CABP1: variants seen among roughly 807,000 people sequenced by gnomAD.
CABP1 encodes the protein calcium-binding protein 1.
Under a neutral mutation model 34.3 loss-of-function variants are expected in CABP1, and 17 were observed. The observed-to-expected ratio is 0.50, with a 90% CI of 0.34 to 0.74. The LOEUF (loss-of-function observed/expected upper bound fraction) is 0.74. CABP1 is among the 30% of genes least tolerant of loss of function. The pLI, the probability that CABP1 is intolerant of heterozygous loss-of-function variation, is 0.01. For synonymous variants in CABP1, 198 were observed against 229.2 expected (o/e 0.86, Z 1.23); for missense variants, 373 against 511.1 (o/e 0.73, Z 2.61).
Position 120,641,458 on chromosome 12 carries a change from C to T in CABP1, c.654+119C>T, listed in dbSNP as rs1223567721. ...TGGTCCCCCACGGATCACGCCTCGG[C>T]TCACCTCGTCCTCCCCGGGCCGGCG... On this transcript the variant is annotated intron_variant, in intron 1 of 5. Coordinates refer to ENST00000316803, the MANE Select transcript of CABP1 (RefSeq NM_001033677.2). This position sits in a 1 kb window ranked among gnomAD's most constrained non-coding sequence, Gnocchi z 6.7. The T allele has an allele frequency of 1.8e-6, 2 of 1,100,584 alleles. No homozygotes were observed. The highest frequency in any genetic ancestry group is 2.3e-6 in the Non-Finnish European group (2 of 868,920). 68.2% of individuals were successfully genotyped at this position (1,100,584 alleles called of 1,614,324 possible).
In CABP1 at chr12:120,660,359, A is replaced by T; in HGVS notation, c.829+20A>T. On this transcript the variant is annotated intron_variant, in intron 3 of 5. Transcript: ENST00000316803. The surrounding 1 kb of genome is among the most constrained non-coding windows in gnomAD (Gnocchi z 5.0). ...TGAACCGTGAGTCCCTCTACCAGGC[A>T]TCTGCGTCCCTTCGGTCCTCACCCT... 1.2e-6 allele frequency: 2 copies of T among 1,609,294 alleles called. No individual in the cohort carries two copies. Among genetic ancestry groups the T allele is most frequent in the Non-Finnish European group, 1.7e-6 (2 of 1,178,830 alleles).
intron 1 of CABP1, among the ~76,000 whole-genome samples, chr12:120,645,671 A>C (rs1216366345): frequency 6.6e-6 from 1 of 152,170 alleles, no homozygotes; most frequent in Non-Finnish European, 1.5e-5. Flanking sequence ...TCTACTAAAA[A>C]TACAAAAATT....
chr12:120,657,021 C>A (rs1880272736), intron 1 of CABP1, among the ~76,000 whole-genome samples: 1 of 152,194 alleles, frequency 6.6e-6, no homozygotes, highest in African/African-American at 2.4e-5. Context: ...CTCCTAATGA[C>A]AACTCTGTAT....
intron 5 of CABP1, among the ~76,000 whole-genome samples, chr12:120,665,443 T>A (rs1437219367): frequency 6.6e-6 from 1 of 151,396 alleles, no homozygotes; most frequent in East Asian, 2.0e-4. Flanking sequence ...AATAAATAAA[T>A]AAAAATAAAC....
At chr12:120,676,817 T>G in the CABP1 span, among the ~76,000 whole-genome samples, 1 of 152,168 alleles carries the variant, frequency 6.6e-6, no homozygotes, top group Non-Finnish European at 1.5e-5. Flanking sequence ...TGAGGAAACT[T>G]AGGTTCAGAG....
At chr12:120,644,070 G>C (rs942780374) in intron 1 of CABP1, among the ~76,000 whole-genome samples, 3 of 152,222 alleles carry the variant, frequency 2.0e-5, no homozygotes. Context: ...TGAGGCTAAG[G>C]TGTGGAATGG....
chr12:120,645,799 A>G (rs749072446), intron 1 of CABP1, among the ~76,000 whole-genome samples: 3 of 152,206 alleles, frequency 2.0e-5, no homozygotes, highest in Non-Finnish European at 4.4e-5. Context: ...TCTGCACTCC[A>G]GCCTGGGTGA....
At chr12:120,648,742 A>T (rs113562721) in intron 1 of CABP1, among the ~76,000 whole-genome samples, 15 of 152,200 alleles carry the variant, frequency 9.9e-5, no homozygotes, top group African/African-American at 3.6e-4. Flanking sequence ...TTAGCCAGGC[A>T]TGAAGTTGTG....
chr12:120,663,791 A>G (rs749644182), intron 5 of CABP1, among the ~76,000 whole-genome samples: 47 of 152,326 alleles, frequency 3.1e-4, no homozygotes, highest in South Asian at 8.3e-4. Context: ...CCTGCCTACT[A>G]AGAGGCAGAG....
chr12:120,659,570 C>G lies in CABP1; in HGVS notation c.655-308C>G, dbSNP rs566959947. 3.2e-5 allele frequency: 10 copies of G among 313,540 alleles called. No homozygotes were observed. In the South Asian group the frequency reaches 6.7e-4, roughly 21 times the overall value. The allele number at this position is 313,540 out of a possible 1,614,324, so 19.4% of individuals were successfully genotyped here. On this transcript the variant is annotated intron_variant, in intron 1 of 5. Transcript: ENST00000316803. The stretch of plus-strand genomic sequence containing the variant: ...GCAATGGCACCATCATAGCTCACTA[C>G]AGCCTCAAACTCCTGCTGACCCATT...
At chr12:120,664,764 C>A (rs1340112647) in intron 5 of CABP1, among the ~76,000 whole-genome samples, 2 of 151,814 alleles carry the variant, frequency 1.3e-5, no homozygotes, top group Non-Finnish European at 2.9e-5. Flanking sequence ...GTAATCCCAG[C>A]ACTTGGGAGG....
At chr12:120,642,566 CGTTAGCCGA>C (rs1222880204) in intron 1 of CABP1, among the ~76,000 whole-genome samples, 2 of 152,072 alleles carry the variant, frequency 1.3e-5, no homozygotes, top group Non-Finnish European at 2.9e-5. Flanking sequence ...AGGGAGCCCT[CGTTAGCCGA>C]GTTAGCTGGA....
intron 1 of CABP1, among the ~76,000 whole-genome samples, chr12:120,648,939 C>G (rs1879676943): frequency 6.6e-6 from 1 of 151,982 alleles, no homozygotes; most frequent in Admixed American, 6.6e-5. Context: ...CCCCGTCCTT[C>G]CCATTCATTG....
At chr12:120,655,821 G>A (rs1479076173) in intron 1 of CABP1, 7 of 1,241,602 alleles carry the variant, frequency 5.6e-6, no homozygotes, top group South Asian at 1.5e-5. Flanking sequence ...ATGTGCCAGT[G>A]CGTGCGTGCG....
the CABP1 span, among the ~76,000 whole-genome samples, chr12:120,672,707 G>C: frequency 1.1e-5 from 1 of 95,234 alleles, no homozygotes; most frequent in African/African-American, 9.4e-5. Context: ...ATGTGCACTT[G>C]GGTGAAAAAA....
In CABP1 at chr12:120,661,268, A is replaced by G. The variant is rs746189249; in HGVS notation, c.1087+50A>G. ...AGAAGCAAGCCAGCAGTGGCCATCCATGGAGCCCTCCAATTGTGTATCCAT... is the reference window on the plus strand; with the variant it reads ...AGAAGCAAGCCAGCAGTGGCCATCCGTGGAGCCCTCCAATTGTGTATCCAT... On this transcript the variant is annotated intron_variant, in intron 5 of 5. Coordinates refer to ENST00000316803, the MANE Select transcript of CABP1 (RefSeq NM_001033677.2). The surrounding 1 kb of genome is among the most constrained non-coding windows in gnomAD (Gnocchi z 5.1). 2.2e-5 allele frequency: 35 copies of G among 1,581,192 alleles called. No homozygotes were observed. Among genetic ancestry groups the G allele is most frequent in the Non-Finnish European group, 2.8e-5 (33 of 1,170,566 alleles).
Position 120,650,035 on chromosome 12 carries a change from TTGTG to T in CABP1, c.654+8709_654+8712del, listed in dbSNP as rs10599146. On this transcript the variant is annotated intron_variant, in intron 1 of 5. Transcript: ENST00000316803. Reference sequence around the variant, plus strand: ...CGCGCGTGTGTGTGTGCATGCACGTTTGTGTGTGTGTGTGTGCGCGCGCGCACAC... The same window carrying T: ...CGCGCGTGTGTGTGTGCATGCACGTTTGTGTGTGTGTGCGCGCGCGCACAC... The T allele has an allele frequency of 3.5e-3, 518 of 149,298 alleles. 6 individuals are homozygous for T. The highest frequency in any genetic ancestry group is 0.012 in the African/African-American group (498 of 40,412). 9.2% of individuals were successfully genotyped at this position (149,298 alleles called of 1,614,324 possible).
At chr12:120,673,438 G>T in the CABP1 span, among the ~76,000 whole-genome samples, 2 of 152,054 alleles carry the variant, frequency 1.3e-5, no homozygotes, top group African/African-American at 4.8e-5. Flanking sequence ...CAAAAAATTA[G>T]CCGGGCATGG....
In CABP1 at chr12:120,640,846, GC is replaced by G; in HGVS notation, c.165del (p.Ala56ProfsTer3). 9.3e-7 allele frequency: 1 copy of G among 1,072,142 alleles called. No homozygotes were observed. The highest frequency in any genetic ancestry group is 1.1e-6 in the Non-Finnish European group (1 of 887,656). 66.4% of individuals were successfully genotyped at this position (1,072,142 alleles called of 1,614,324 possible). On this transcript the variant is annotated frameshift_variant, in exon 1 of 6. Transcript: ENST00000316803. LOFTEE classifies it high-confidence loss of function. This position sits in a 1 kb window ranked among gnomAD's most constrained non-coding sequence, Gnocchi z 6.2. ...APPPPGHASA[G>X]PAAMSSHIAK... ...CCCCCGCCGGGCCATGCGAGCGCGG[GC>G]CCCGCCGCGATGAGCTCGCACATCG...
Sources: gnomAD v4.1 joint callset for allele counts (sites outside exome capture counted in the v4.1 genomes callset) on GRCh38, gnomAD v4.1.1 for gene constraint, Gnocchi (gnomAD v3.1) non-coding constraint, MANE v1.5 for transcripts, NCBI Gene and HGNC (gene_info 2026-07-23, HGNC 2026-07-21) for gene names.